The following SNTG1 variants were observed in gnomAD, a reference collection of about 807,000 sequenced individuals.
The protein encoded by SNTG1 is gamma-1-syntrophin.
SNTG1 carries 39 observed loss-of-function variants against 74.7 expected under a neutral mutation model. That is an observed-to-expected ratio of 0.52 (90% CI 0.40 to 0.68). SNTG1 has a LOEUF of 0.68. Ranked by LOEUF, SNTG1 falls within the 30% of genes least tolerant of loss-of-function variation. The pLI is 0.00. For missense variants in SNTG1, 685 were observed against 609.5 expected (o/e 1.12, Z -1.30); for synonymous variants, 254 against 217.1 (o/e 1.17, Z -1.49).
At chr8:50,277,433 A>G (rs1357430834) in intron 2 of SNTG1, among the ~76,000 whole-genome samples, 2 of 152,222 alleles carry the variant, frequency 1.3e-5, no homozygotes, top group African/African-American at 4.8e-5. Context: ...CAGACAAATT[A>G]TATGTATTTT....
chr8:50,293,267 T>A (rs1197383094), intron 2 of SNTG1, among the ~76,000 whole-genome samples: 1 of 152,156 alleles, frequency 6.6e-6, no homozygotes, highest in Non-Finnish European at 1.5e-5. Context: ...TGGTTCCTCC[T>A]GAGGCCTCTC....
chr8:50,464,283 C>G (rs1386503930), intron 8 of SNTG1, among the ~76,000 whole-genome samples: 1 of 152,178 alleles, frequency 6.6e-6, no homozygotes, highest in Non-Finnish European at 1.5e-5. Context: ...TACAACCTGG[C>G]TAACTGCTTG....
At position 50,506,743 on chromosome 8, in the gene SNTG1, T is replaced by C. The variant is rs549884575; in HGVS notation, c.466+3863T>C. ...ACTTTAGAGTTTTCTACATATAAGC[T>C]CATATCTGCAAACAAAGATAATTTT... is the stretch of plus-strand genomic sequence containing the variant. On this transcript the variant is annotated intron_variant, in intron 9 of 18. Transcript: ENST00000642720. 1.7e-3 allele frequency among the ~76,000 whole-genome samples: 258 copies of C among 152,198 alleles called. 1 individual carries two copies. Among genetic ancestry groups the C allele is most frequent in the African/African-American group, 6.0e-3 (249 of 41,570 alleles).
intron 1 of SNTG1, among the ~76,000 whole-genome samples, chr8:49,915,866 G>C (rs2450289): frequency 0.92 from 140,457 of 152,196 alleles, 65,810 homozygotes; most frequent in East Asian, 1. Context: ...TGATTTAGTC[G>C]AAAGCCTAGA....
chr8:50,103,237 G>T (rs1404144106), intron 1 of SNTG1, among the ~76,000 whole-genome samples: 2 of 152,176 alleles, frequency 1.3e-5, no homozygotes, highest in Non-Finnish European at 2.9e-5. Context: ...TTATTTCATT[G>T]AGCAGTGGTT....
rs373012573 is a variant in SNTG1 at position 50,181,778 on chromosome 8, A to G, written c.-28+9143A>G. On this transcript the variant is annotated intron_variant, in intron 2 of 18. Coordinates refer to ENST00000642720, the MANE Select transcript of SNTG1 (RefSeq NM_018967.5). ...ACATGTACAAAGTTATATGCTTTTG[A>G]AATGTGATATTATCTTTTATTCTTT... is the stretch of plus-strand genomic sequence containing the variant. 4.6e-5 allele frequency among the ~76,000 whole-genome samples: 7 copies of G among 152,270 alleles called. No individual in the cohort carries two copies. In the East Asian group the frequency reaches 1.2e-3, roughly 25 times the overall value.
Position 50,088,779 on chromosome 8 carries a change from T to G in SNTG1, c.-102-83782T>G, listed in dbSNP as rs796556768. On this transcript the variant is annotated intron_variant, in intron 1 of 18. Coordinates refer to ENST00000642720, the MANE Select transcript of SNTG1 (RefSeq NM_018967.5). ...GAGGATACAAACAAATGGAAGAACA[T>G]TCCATGCTCATGGGTAGGAAGAATC... 1.7e-4 allele frequency among the ~76,000 whole-genome samples: 26 copies of G among 148,756 alleles called. No homozygotes were observed. In the East Asian group the frequency reaches 4.8e-3, roughly 28 times the overall value.
intron 8 of SNTG1, among the ~76,000 whole-genome samples, chr8:50,486,009 T>C (rs2093789838): frequency 6.6e-6 from 1 of 152,158 alleles, no homozygotes; most frequent in Non-Finnish European, 1.5e-5. Flanking sequence ...CTGAGGGCTC[T>C]GTTCTGTTCC....
At chr8:50,674,316 TG>T (rs2095299756) in intron 15 of SNTG1, among the ~76,000 whole-genome samples, 1 of 152,160 alleles carries the variant, frequency 6.6e-6, no homozygotes, top group African/African-American at 2.4e-5. Flanking sequence ...GGGCTTTTTT[TG>T]GTTGGTAGGC....
At chr8:50,758,198 G>A (rs769864723) in intron 18 of SNTG1, among the ~76,000 whole-genome samples, 1 of 151,754 alleles carries the variant, frequency 6.6e-6, no homozygotes, top group Non-Finnish European at 1.5e-5. Flanking sequence ...AATCATAGTT[G>A]TTTCAAATGC....
chr8:50,079,189 T>C (rs1822169314), intron 1 of SNTG1, among the ~76,000 whole-genome samples: 2 of 152,220 alleles, frequency 1.3e-5, no homozygotes, highest in Non-Finnish European at 1.5e-5. Flanking sequence ...TGTAAAAGCA[T>C]TCCTGTTCCT....
chr8:50,678,567 T>C (rs1355768172), intron 15 of SNTG1, among the ~76,000 whole-genome samples: 1 of 152,156 alleles, frequency 6.6e-6, no homozygotes, highest in Non-Finnish European at 1.5e-5. Flanking sequence ...CTTGATTTAC[T>C]AACCGTAAGT....
In SNTG1 at chr8:50,656,907, A is replaced by T; in HGVS notation, c.850-2A>T. On this transcript the variant is annotated splice_acceptor_variant, in intron 13 of 18. Coordinates refer to ENST00000642720, the MANE Select transcript of SNTG1 (RefSeq NM_018967.5). LOFTEE classifies it high-confidence loss of function. ...AGTTGATTGTATTCCATTTTCTTGC[A>T]GATTGTCTACATGGGCTGGTGTGAA... 6.3e-7 allele frequency: 1 copy of T among 1,599,036 alleles called. No individual in the cohort carries two copies. Among genetic ancestry groups the T allele is most frequent in the South Asian group, 1.1e-5 (1 of 89,368 alleles).
At chr8:50,044,411 A>C (rs1818902400) in intron 1 of SNTG1, among the ~76,000 whole-genome samples, 1 of 152,226 alleles carries the variant, frequency 6.6e-6, no homozygotes, top group African/African-American at 2.4e-5. Flanking sequence ...GGCCAAAATT[A>C]AACCGGATTT....
chr8:50,636,490 G>C (rs1005089428), intron 13 of SNTG1, among the ~76,000 whole-genome samples: 1 of 151,980 alleles, frequency 6.6e-6, no homozygotes, highest in African/African-American at 2.4e-5. Flanking sequence ...TGTGGCTATG[G>C]CTTATCTAAA....
chr8:50,562,832 T>C (rs2094495971), intron 12 of SNTG1, among the ~76,000 whole-genome samples: 1 of 152,170 alleles, frequency 6.6e-6, no homozygotes, highest in Non-Finnish European at 1.5e-5. Flanking sequence ...TATTAATTAG[T>C]CCCAGTGCAA....
chr8:50,029,504 C>T (rs1817563320), intron 1 of SNTG1, among the ~76,000 whole-genome samples: 1 of 152,028 alleles, frequency 6.6e-6, no homozygotes, highest in African/African-American at 2.4e-5. Flanking sequence ...CACCTCCCCA[C>T]TTCTCTTCCT....
intron 2 of SNTG1, among the ~76,000 whole-genome samples, chr8:50,184,572 A>C (rs1381609099): frequency 1.3e-5 from 2 of 152,178 alleles, no homozygotes; most frequent in African/African-American, 4.8e-5. Context: ...AATGGTTGTA[A>C]TTATGGTATG....
chr8:50,070,733 G>A (rs1185978511), intron 1 of SNTG1, among the ~76,000 whole-genome samples: 1 of 152,228 alleles, frequency 6.6e-6, no homozygotes, highest in Non-Finnish European at 1.5e-5. Flanking sequence ...ACGAAAGTGA[G>A]TGGTTTAAAA....
Sources: gnomAD v4.1 joint callset for allele counts (sites outside exome capture counted in the v4.1 genomes callset) on GRCh38, gnomAD v4.1.1 for gene constraint, MANE v1.5 for transcripts, NCBI Gene and HGNC (gene_info 2026-07-23, HGNC 2026-07-21) for gene names.